Variants in ATRNL1 observed in about 807,000 individuals in gnomAD.
ATRNL1 encodes the protein attractin like 1, also known as attractin-like protein 1.
Under a neutral mutation model 182.7 loss-of-function variants are expected in ATRNL1, and 95 were observed. That is an observed-to-expected ratio of 0.52 (90% CI 0.44 to 0.62). The LOEUF is 0.62. ATRNL1 is among the 20% of genes least tolerant of loss of function. The pLI is 0.00. For missense variants in ATRNL1, 1,471 were observed against 1,679.5 expected, an observed-to-expected ratio of 0.88 and a Z score of 2.17; for synonymous variants, 576 against 568.3, an observed-to-expected ratio of 1.01 and a Z score of -0.19.
At chr10:115,703,110 C>G (rs1555052063) in intron 26 of ATRNL1, among the ~76,000 whole-genome samples, 2 of 151,840 alleles carry the variant, frequency 1.3e-5, no homozygotes, top group Non-Finnish European at 2.9e-5. Context: ...AAGCCACACA[C>G]TTATGGCCCT....
intron 8 of ATRNL1, among the ~76,000 whole-genome samples, chr10:115,175,119 A>G (rs1471488618): frequency 3.3e-5 from 5 of 151,986 alleles, no homozygotes; most frequent in African/African-American, 1.2e-4. Context: ...AATGTTGGCC[A>G]TTAAAATGGA....
At chr10:115,524,746 T>C (rs1275519477) in intron 25 of ATRNL1, among the ~76,000 whole-genome samples, 11 of 152,184 alleles carry the variant, frequency 7.2e-5, no homozygotes, top group Non-Finnish European at 1.5e-5. Context: ...AAATGACCAA[T>C]GGGTGGATCC....
At chr10:115,387,851 T>A (rs76823798) in intron 19 of ATRNL1, among the ~76,000 whole-genome samples, 2 of 152,224 alleles carry the variant, frequency 1.3e-5, no homozygotes, top group Non-Finnish European at 2.9e-5. Context: ...TTTCCACTTA[T>A]GGCTATTGTG....
intron 5 of ATRNL1, among the ~76,000 whole-genome samples, chr10:115,147,635 T>G (rs1354101977): frequency 3.3e-5 from 5 of 152,156 alleles, no homozygotes; most frequent in Admixed American, 2.0e-4. Context: ...CATTTTGAGT[T>G]TATTTTTGTA....
At chr10:115,813,743 A>T (rs1297313008) in intron 27 of ATRNL1, among the ~76,000 whole-genome samples, 24 of 152,216 alleles carry the variant, frequency 1.6e-4, no homozygotes, top group Admixed American at 1.6e-3. Context: ...AATAATATGT[A>T]GTTTTTTAAA....
chr10:115,472,797 G>A (rs1456758614), intron 24 of ATRNL1, among the ~76,000 whole-genome samples: 2 of 150,972 alleles, frequency 1.3e-5, no homozygotes, highest in African/African-American at 4.8e-5. Context: ...AACAGAGACA[G>A]GTTTTCTTCT....
At chr10:115,430,871 A>G (rs1364084976) in intron 21 of ATRNL1, among the ~76,000 whole-genome samples, 1 of 152,144 alleles carries the variant, frequency 6.6e-6, no homozygotes, top group Non-Finnish European at 1.5e-5. Context: ...ACATCCTGCA[A>G]TGAAAAGGTC....
chr10:115,297,864 A>G (rs1413436057), intron 15 of ATRNL1, among the ~76,000 whole-genome samples: 1 of 151,906 alleles, frequency 6.6e-6, no homozygotes. Context: ...CTTTTTTGAG[A>G]TTGCATATTT....
chr10:115,573,083 C>G (rs1854499701), intron 26 of ATRNL1, among the ~76,000 whole-genome samples: 1 of 152,128 alleles, frequency 6.6e-6, no homozygotes, highest in Non-Finnish European at 1.5e-5. Context: ...GGGTAAAGAA[C>G]CAGTGTGACA....
intron 8 of ATRNL1, among the ~76,000 whole-genome samples, chr10:115,192,969 G>A (rs1554890192): frequency 6.6e-6 from 1 of 151,684 alleles, no homozygotes; most frequent in Non-Finnish European, 1.5e-5. Context: ...AGTAGTTTTT[G>A]GAGTCTTTAG....
intron 20 of ATRNL1, among the ~76,000 whole-genome samples, chr10:115,409,438 T>G (rs782057599): frequency 1.3e-5 from 2 of 152,324 alleles, no homozygotes; most frequent in African/African-American, 2.4e-5. Context: ...GTGAATTCAT[T>G]CAGCAGTTCT....
intron 28 of ATRNL1, among the ~76,000 whole-genome samples, chr10:115,931,612 A>C (rs1316791346): frequency 6.6e-6 from 1 of 152,220 alleles, no homozygotes; most frequent in Non-Finnish European, 1.5e-5. Context: ...ACCTGAAAGC[A>C]AGTTTTTTTC....
At chr10:115,330,903 T>C (rs1269790641) in intron 18 of ATRNL1, among the ~76,000 whole-genome samples, 2 of 152,118 alleles carry the variant, frequency 1.3e-5, no homozygotes, top group African/African-American at 2.4e-5. Context: ...TTTTGAACAC[T>C]AATGATACAC....
intron 25 of ATRNL1, among the ~76,000 whole-genome samples, chr10:115,529,235 T>A (rs1409163634): frequency 6.6e-6 from 1 of 152,058 alleles, no homozygotes; most frequent in Non-Finnish European, 1.5e-5. Context: ...ATCATTTGGA[T>A]TTCTCTCTGT....
At chr10:115,098,627 AATTTTTTGT>A (rs1420697521) in intron 1 of ATRNL1, among the ~76,000 whole-genome samples, 5 of 151,572 alleles carry the variant, frequency 3.3e-5, no homozygotes, top group Non-Finnish European at 7.4e-5. Flanking sequence ...ACGCCCGGCT[AATTTTTTGT>A]TTAGTAGAGA....
At chr10:115,537,190 C>G (rs545811611) in intron 25 of ATRNL1, among the ~76,000 whole-genome samples, 1 of 152,188 alleles carries the variant, frequency 6.6e-6, no homozygotes, top group African/African-American at 2.4e-5. Context: ...AGTGATGGTA[C>G]GTTTTCTTGC....
chr10:115,321,093 CT>C (rs1233012490), intron 18 of ATRNL1, among the ~76,000 whole-genome samples: 12 of 151,488 alleles, frequency 7.9e-5, no homozygotes, highest in South Asian at 2.1e-4. Context: ...TTTGTGGGGC[CT>C]TTTTTTTGTT....
chr10:115,639,851 C>T (rs1440251152), intron 26 of ATRNL1, among the ~76,000 whole-genome samples: 2 of 151,532 alleles, frequency 1.3e-5, no homozygotes, highest in African/African-American at 4.9e-5. Flanking sequence ...ATGTGCAGAA[C>T]GTGCTGTTTG....
At chr10:115,296,402 T>G (rs12770018) in intron 15 of ATRNL1, among the ~76,000 whole-genome samples, 1 of 152,322 alleles carries the variant, frequency 6.6e-6, no homozygotes, top group East Asian at 1.9e-4. Flanking sequence ...GTGTCTCTAG[T>G]CAGACATCTT....
Sources: allele counts gnomAD v4.1 joint callset (sites outside exome capture counted in the v4.1 genomes callset), GRCh38; gene constraint gnomAD v4.1.1; transcripts MANE v1.5; gene names NCBI Gene and HGNC (gene_info 2026-07-23, HGNC 2026-07-21).